The following SRPK2 variants were observed in gnomAD, a reference collection of about 807,000 sequenced individuals.
The protein encoded by SRPK2 is SFRS protein kinase 2.
A neutral mutation model predicts 90.8 loss-of-function variants in SRPK2; 21 were observed. That is an observed-to-expected ratio of 0.23 (90% CI 0.16 to 0.33). The LOEUF (loss-of-function observed/expected upper bound fraction) is 0.33. Among genes scored for constraint, SRPK2 ranks in the 10% least tolerant of loss-of-function variants. SRPK2 has a pLI of 1.00. For synonymous variants in SRPK2, 288 were observed against 311.1 expected, an observed-to-expected ratio of 0.93 and a Z score of 0.78; for missense variants, 620 against 869.0, an observed-to-expected ratio of 0.71 and a Z score of 3.60.
At chr7:105,378,580 T>C (rs953918175) in intron 2 of SRPK2, among the ~76,000 whole-genome samples, 2 of 151,952 alleles carry the variant, frequency 1.3e-5, no homozygotes, top group Admixed American at 1.3e-4. Flanking sequence ...CTGGCCAACA[T>C]GGTGAAACCC....
intron 3 of SRPK2, among the ~76,000 whole-genome samples, chr7:105,178,581 A>C (rs192215460): frequency 5.3e-5 from 8 of 152,148 alleles, no homozygotes; most frequent in Admixed American, 5.2e-4. Context: ...TGATAATCAC[A>C]CATGAGGCAG....
intron 2 of SRPK2, among the ~76,000 whole-genome samples, chr7:105,365,917 C>A (rs577586545): frequency 2.6e-5 from 4 of 151,568 alleles, no homozygotes; most frequent in South Asian, 4.2e-4. Context: ...GTGCATGGCG[C>A]GATCTCGGCT....
chr7:105,362,010 A>G (rs1376583122), intron 2 of SRPK2, among the ~76,000 whole-genome samples: 1 of 152,188 alleles, frequency 6.6e-6, no homozygotes, highest in African/African-American at 2.4e-5. Context: ...TCTGCACAGC[A>G]AAAGAAACTA....
In SRPK2 at chr7:105,388,093, G is replaced by A. The variant is rs563427165; in HGVS notation, c.71+555C>T. Among the ~76,000 whole-genome samples the A allele has an allele frequency of 9.8e-5, 15 of 152,304 alleles. No homozygotes were observed. In the East Asian group the frequency reaches 2.9e-3, roughly 29 times the overall value. Reference sequence around the variant, plus strand: ...CTGAACTCGCGCCAGGAACACGCCCGAGGCAAACCACTTGACAACCAGCTT... The same window carrying A: ...CTGAACTCGCGCCAGGAACACGCCCAAGGCAAACCACTTGACAACCAGCTT... On this transcript the variant is annotated intron_variant, in intron 2 of 15. Transcript: ENST00000393651.
chr7:105,214,542 A>G (rs1797221757), intron 2 of SRPK2, among the ~76,000 whole-genome samples: 1 of 152,232 alleles, frequency 6.6e-6, no homozygotes, highest in Non-Finnish European at 1.5e-5. Context: ...AAACTTGTTA[A>G]TAACATTATG....
chr7:105,217,071 A>G (rs1797563251), intron 2 of SRPK2, among the ~76,000 whole-genome samples: 1 of 152,220 alleles, frequency 6.6e-6, no homozygotes, highest in South Asian at 2.1e-4. Context: ...TTGATACATT[A>G]CGCACGATAC....
chr7:105,205,410 T>C (rs921556652), intron 2 of SRPK2, among the ~76,000 whole-genome samples: 5 of 152,154 alleles, frequency 3.3e-5, no homozygotes, highest in African/African-American at 7.2e-5. Context: ...TACAGCTCCC[T>C]GGGTAACAGA....
At chr7:105,341,381 AG>A (rs869259287) in intron 2 of SRPK2, among the ~76,000 whole-genome samples, 1,232 of 44,738 alleles carry the variant, frequency 0.028, 145 homozygotes, top group Middle Eastern at 0.043. Flanking sequence ...AAAAAAAAAA[AG>A]GGGGAATGTG....
intron 2 of SRPK2, among the ~76,000 whole-genome samples, chr7:105,221,249 T>G (rs1798058780): frequency 6.6e-6 from 1 of 152,202 alleles, no homozygotes; most frequent in Non-Finnish European, 1.5e-5. Flanking sequence ...AACTAAATAA[T>G]ATTTCACTCC....
intron 2 of SRPK2, among the ~76,000 whole-genome samples, chr7:105,373,905 C>T (rs1165026261): frequency 1.3e-5 from 2 of 151,948 alleles, no homozygotes; most frequent in South Asian, 2.1e-4. Flanking sequence ...ACAAAGTCTC[C>T]CTCATCTCCA....
At chr7:105,133,563 G>A (rs1005502587) in intron 11 of SRPK2, among the ~76,000 whole-genome samples, 5 of 152,134 alleles carry the variant, frequency 3.3e-5, no homozygotes, top group African/African-American at 4.8e-5. Flanking sequence ...TTCCTTGGAC[G>A]CCACAAGACA....
intron 7 of SRPK2, among the ~76,000 whole-genome samples, chr7:105,155,611 G>T (rs1806382957): frequency 6.6e-6 from 1 of 152,192 alleles, no homozygotes; most frequent in African/African-American, 2.4e-5. Context: ...AGTGCCAGCA[G>T]CCCTAGGGTT....
At chr7:105,283,482 C>T (rs6466053) in intron 2 of SRPK2, among the ~76,000 whole-genome samples, 109,635 of 152,038 alleles carry the variant, frequency 0.72, 40,065 homozygotes, top group African/African-American at 0.84. Flanking sequence ...TGGCTGAACG[C>T]TGAAAACATT....
At chr7:105,357,080 G>A (rs1188625608) in intron 2 of SRPK2, among the ~76,000 whole-genome samples, 1 of 150,472 alleles carries the variant, frequency 6.6e-6, no homozygotes, top group East Asian at 2.0e-4. Flanking sequence ...CTGTCGCCCA[G>A]GCTGGAGTGC....
intron 2 of SRPK2, among the ~76,000 whole-genome samples, chr7:105,235,460 TTGTGTGTGTGTGTG>T (rs57638058): frequency 3.4e-4 from 52 of 150,846 alleles, no homozygotes; most frequent in Admixed American, 3.1e-3. Context: ...TTGTCTGGGA[TTGTGTGTGTGTGTG>T]TGTGTGTGCA....
chr7:105,190,822 T>C (rs1181820020), intron 3 of SRPK2, among the ~76,000 whole-genome samples: 1 of 152,216 alleles, frequency 6.6e-6, no homozygotes, highest in Non-Finnish European at 1.5e-5. Flanking sequence ...AACCACCTTC[T>C]TGATATTTCC....
intron 2 of SRPK2, among the ~76,000 whole-genome samples, chr7:105,282,779 ACT>A (rs1298067386): frequency 5.3e-5 from 8 of 152,120 alleles, no homozygotes; most frequent in Admixed American, 3.9e-4. Flanking sequence ...ACAGAGTGAG[ACT>A]CTGTCTCAAA....
At chr7:105,253,240 C>T (rs548168695) in intron 2 of SRPK2, among the ~76,000 whole-genome samples, 5 of 152,170 alleles carry the variant, frequency 3.3e-5, no homozygotes, top group Non-Finnish European at 7.3e-5. Flanking sequence ...GTAAATGCTG[C>T]CATAATATTC....
In SRPK2 at chr7:105,386,479, C is replaced by T. The variant is rs189504529; in HGVS notation, c.71+2169G>A. 2.0e-3 allele frequency among the ~76,000 whole-genome samples: 298 copies of T among 152,176 alleles called. 4 individuals carry two copies. Among genetic ancestry groups the T allele is most frequent in the African/African-American group, 6.8e-3 (283 of 41,516 alleles). ...CTGTAATCCCAGCTGTGTGGGAGGCCGAGGCCGGTGAATCACCTGAAGTCA... is the reference window on the plus strand; with the variant it reads ...CTGTAATCCCAGCTGTGTGGGAGGCTGAGGCCGGTGAATCACCTGAAGTCA... On this transcript the variant is annotated intron_variant, in intron 2 of 15. Coordinates refer to ENST00000393651, the MANE Select transcript of SRPK2 (RefSeq NM_182692.3).
Sources: allele counts gnomAD v4.1 joint callset (sites outside exome capture counted in the v4.1 genomes callset), GRCh38; gene constraint gnomAD v4.1.1; transcripts MANE v1.5; gene names NCBI Gene and HGNC (gene_info 2026-07-23, HGNC 2026-07-21).